Variants in RXFP2 observed in about 807,000 individuals in gnomAD.
RXFP2 encodes the protein relaxin family peptide receptor 2, also known as relaxin receptor 2.
Under a neutral mutation model 88.6 loss-of-function variants are expected in RXFP2, and 68 were observed. That is an observed-to-expected ratio of 0.77 (90% CI 0.63 to 0.94). The LOEUF (loss-of-function observed/expected upper bound fraction) is 0.94. Ranked by LOEUF, RXFP2 falls within the 40% of genes least tolerant of loss-of-function variation. The pLI is 0.00. For missense variants in RXFP2, 791 were observed against 893.9 expected, an observed-to-expected ratio of 0.88 and a Z score of 1.47; for synonymous variants, 329 against 306.8, an observed-to-expected ratio of 1.07 and a Z score of -0.76.
chr13:31,742,969 G>A (rs1212126891), intron 1 of RXFP2, among the ~76,000 whole-genome samples: 1 of 152,074 alleles, frequency 6.6e-6, no homozygotes, highest in African/African-American at 2.4e-5. Flanking sequence ...AAGTAGTAGT[G>A]GCATTAGAGG....
intron 3 of RXFP2, among the ~76,000 whole-genome samples, chr13:31,762,704 C>G (rs1291782075): frequency 6.6e-6 from 1 of 151,706 alleles, no homozygotes; most frequent in East Asian, 1.9e-4. Context: ...CTCTATAATA[C>G]CAGTTTATAA....
chr13:31,749,044 A>G (rs1012295608), intron 1 of RXFP2, among the ~76,000 whole-genome samples: 1 of 152,146 alleles, frequency 6.6e-6, no homozygotes, highest in Non-Finnish European at 1.5e-5. Flanking sequence ...TGTCTAATTT[A>G]GGTATCTTTT....
intron 3 of RXFP2, among the ~76,000 whole-genome samples, chr13:31,763,258 T>A (rs553379301): frequency 6.6e-6 from 1 of 152,148 alleles, no homozygotes; most frequent in South Asian, 2.1e-4. Context: ...CTAATTTTCA[T>A]ATTCTTTGTA....
At chr13:31,759,425 G>GAAAGA (rs1872181092) in intron 2 of RXFP2, among the ~76,000 whole-genome samples, 1 of 149,542 alleles carries the variant, frequency 6.7e-6, no homozygotes, top group African/African-American at 2.4e-5. Context: ...AAGAAAGAAA[G>GAAAGA]AAAGAAAGAA....
Position 31,766,158 on chromosome 13 carries a change from T to C in RXFP2, c.497+131T>C, listed in dbSNP as rs1470457005. On this transcript the variant is annotated intron_variant, in intron 5 of 17. Coordinates refer to ENST00000298386, the MANE Select transcript of RXFP2 (RefSeq NM_130806.5). ...TTATGTTTCTAAATGTAATTAAGAT[T>C]AGAAAATAAAACATTTGAAAGTATG... 9 of 626,668 alleles carry C rather than the reference T, an allele frequency of 1.4e-5. No homozygotes were observed. The Admixed American group carries it at 2.2e-4, about 15-fold the overall frequency. The allele number at this position is 626,668 out of a possible 1,614,324, so 38.8% of individuals were successfully genotyped here. A position where few individuals can be genotyped will look rare whatever the true frequency, so the allele number is the denominator to read the frequency against.
chr13:31,801,158 C>A (rs1030071302), intron 17 of RXFP2, among the ~76,000 whole-genome samples: 1 of 151,950 alleles, frequency 6.6e-6, no homozygotes, highest in Admixed American at 6.6e-5. Flanking sequence ...TATGAGATTG[C>A]GAAGGAGGAG....
Position 31,758,941 on chromosome 13 carries a change from G to A in RXFP2, c.241+537G>A, listed in dbSNP as rs368119743. 5.9e-5 allele frequency among the ~76,000 whole-genome samples: 9 copies of A among 152,150 alleles called. No homozygotes were observed. The South Asian group carries it at 6.2e-4, about 11-fold the overall frequency. On this transcript the variant is annotated intron_variant, in intron 2 of 17. Transcript: ENST00000298386. ...CAGGTGCCTGTAATCCCAGCTACTC[G>A]GGAGGCTGAGGCAGGAGAATTGCCT...
Position 31,756,465 on chromosome 13 carries a change from C to T in RXFP2, c.95-1793C>T, listed in dbSNP as rs567730019. Among the ~76,000 whole-genome samples the T allele has an allele frequency of 1.1e-4, 16 of 152,210 alleles. No homozygotes were observed. In the South Asian group the frequency reaches 2.5e-3, roughly 24 times the overall value. ...TGTTAAAAATATCATCTCCCACACC[C>T]GCCCAAGGGAATTCTGGGTCATGAT... is the stretch of plus-strand genomic sequence containing the variant. On this transcript the variant is annotated intron_variant, in intron 1 of 17. Coordinates refer to ENST00000298386, the MANE Select transcript of RXFP2 (RefSeq NM_130806.5).
chr13:31,764,402 CTTCT>C (rs1263928112), intron 3 of RXFP2, among the ~76,000 whole-genome samples: 3 of 148,068 alleles, frequency 2.0e-5, no homozygotes, highest in Non-Finnish European at 4.5e-5. Context: ...CTGAGTCCTT[CTTCT>C]TTCTTCTGAA....
At chr13:31,801,667 C>A (rs1235934004) in intron 17 of RXFP2, among the ~76,000 whole-genome samples, 1 of 152,138 alleles carries the variant, frequency 6.6e-6, no homozygotes, top group African/African-American at 2.4e-5. Context: ...CTCTTCAAAG[C>A]TTTTAATAGG....
intron 5 of RXFP2, 27 bp downstream of exon 5, chr13:31,766,054 T>TC: frequency 9.4e-7 from 1 of 1,067,716 alleles, no homozygotes; most frequent in Non-Finnish European, 1.4e-6. Context: ...AGCATATTTA[T>TC]TTAAAAAAAA....
chr13:31,771,833 C>T (rs1450839759), intron 5 of RXFP2, among the ~76,000 whole-genome samples: 1 of 151,430 alleles, frequency 6.6e-6, no homozygotes. Flanking sequence ...GAAAAATTGT[C>T]TTCTACGAAA....
intron 5 of RXFP2, 114 bp downstream of exon 5, chr13:31,766,141 C>G (rs1476017903): frequency 3.0e-6 from 2 of 663,610 alleles, no homozygotes; most frequent in Non-Finnish European, 5.4e-6. Flanking sequence ...ATTTATGTTT[C>G]TAAATGTAAT....
intron 13 of RXFP2, among the ~76,000 whole-genome samples, chr13:31,787,629 TTTTCTTTC>T (rs556368750): frequency 5.9e-5 from 9 of 151,686 alleles, no homozygotes; most frequent in African/African-American, 1.2e-4. Context: ...TCTTTAGTGT[TTTTCTTTC>T]TTTCTTTCTT....
At chr13:31,790,490 C>T (rs1873742451) in intron 14 of RXFP2, among the ~76,000 whole-genome samples, 1 of 152,192 alleles carries the variant, frequency 6.6e-6, no homozygotes, top group Non-Finnish European at 1.5e-5. Flanking sequence ...GTTTCTCTTC[C>T]TGACACACCC....
chr13:31,745,224 G>A (rs532920729), intron 1 of RXFP2, among the ~76,000 whole-genome samples: 19 of 150,718 alleles, frequency 1.3e-4, no homozygotes, highest in Admixed American at 2.6e-4. Context: ...CCCTTTTTGC[G>A]GAGCCCTGGA....
chr13:31,773,215 C>T (rs548137716), intron 5 of RXFP2, among the ~76,000 whole-genome samples: 6 of 152,040 alleles, frequency 3.9e-5, no homozygotes, highest in Admixed American at 6.6e-5. Context: ...GATATGGTAC[C>T]GGGAATGGGG....
Position 31,739,806 on chromosome 13 carries a change from A to G in RXFP2, c.94+100A>G, listed in dbSNP as rs1871155218. 1.9e-5 allele frequency: 15 copies of G among 773,556 alleles called. No individual in the cohort carries two copies. The South Asian group carries it at 2.2e-4, about 11-fold the overall frequency. The allele number at this position is 773,556 out of a possible 1,614,324, so 47.9% of individuals were successfully genotyped here. ...TGTAATAAATATATTGGGGTGTTTA[A>G]AAAAAAAACAGACATCAAATTTGCC... On this transcript the variant is annotated intron_variant, in intron 1 of 17. Coordinates refer to ENST00000298386, the MANE Select transcript of RXFP2 (RefSeq NM_130806.5).
chr13:31,802,417 G>T lies in RXFP2; in HGVS notation c.*12G>T. The stretch of plus-strand genomic sequence containing the variant: ...AACCAGTTTCCTAGCAATCATTTTG[G>T]ATCACTGGACTTTCAGTGGACTACC... On this transcript the variant is annotated 3_prime_UTR_variant, in exon 18 of 18. Coordinates refer to ENST00000298386, the MANE Select transcript of RXFP2 (RefSeq NM_130806.5). The T allele has an allele frequency of 1.9e-6, 3 of 1,613,206 alleles. No individual in the cohort carries two copies. Among genetic ancestry groups the T allele is most frequent in the South Asian group, 1.1e-5 (1 of 90,954 alleles).
Sources: gnomAD v4.1 joint callset for allele counts (sites outside exome capture counted in the v4.1 genomes callset) on GRCh38, gnomAD v4.1.1 for gene constraint, MANE v1.5 for transcripts, NCBI Gene and HGNC (gene_info 2026-07-23, HGNC 2026-07-21) for gene names.